The following BPTF variants were observed in gnomAD, a reference collection of about 807,000 sequenced individuals.
BPTF encodes the protein nucleosome-remodeling factor subunit BPTF.
BPTF carries 18 observed loss-of-function variants against 292.5 expected under a neutral mutation model. That is an observed-to-expected ratio of 0.06 (90% confidence interval 0.04 to 0.09). The LOEUF (loss-of-function observed/expected upper bound fraction) is 0.09. BPTF is among the 10% of genes least tolerant of loss of function. The probability of loss-of-function intolerance (pLI) is 1.00; values close to 1 mark genes in which losing one functional copy is unlikely to be tolerated. For synonymous variants in BPTF, 1,225 were observed against 1,251.9 expected, an observed-to-expected ratio of 0.98 and a Z score of 0.45; for missense variants, 2,726 against 3,498.7, an observed-to-expected ratio of 0.78 and a Z score of 5.57.
At chr17:67,879,858 A>G (rs1175401249) in intron 4 of BPTF, among the ~76,000 whole-genome samples, 1 of 152,170 alleles carries the variant, frequency 6.6e-6, no homozygotes, top group Non-Finnish European at 1.5e-5. Flanking sequence ...ACCCAACCCG[A>G]GAGCATTAAT....
intron 21 of BPTF, among the ~76,000 whole-genome samples, chr17:67,947,311 G>A (rs1359288332): frequency 6.6e-6 from 1 of 152,196 alleles, no homozygotes; most frequent in Non-Finnish European, 1.5e-5. Context: ...TTGTATAGGG[G>A]AGACGAGGGA....
chr17:67,926,804 C>CAT (rs761962881), intron 15 of BPTF, among the ~76,000 whole-genome samples: 177 of 151,946 alleles, frequency 1.2e-3, no homozygotes, highest in Admixed American at 4.5e-3. Flanking sequence ...GTGGTGAGAT[C>CAT]ATAGCTCATT....
chr17:67,910,112 G>A (rs921616473), intron 10 of BPTF, among the ~76,000 whole-genome samples: 11 of 152,178 alleles, frequency 7.2e-5, no homozygotes, highest in Non-Finnish European at 1.5e-4. Context: ...CATAGAAATG[G>A]AATCAGACAA....
chr17:67,881,858 G>GTTTTTT (rs71354089), intron 4 of BPTF, among the ~76,000 whole-genome samples: 1 of 30,014 alleles, frequency 3.3e-5, no homozygotes, highest in Non-Finnish European at 8.0e-5. Flanking sequence ...TTGGGTTTTT[G>GTTTTTT]TTTTTTTTTT....
chr17:67,862,583 T>A (rs573783199), intron 2 of BPTF, among the ~76,000 whole-genome samples: 1 of 152,282 alleles, frequency 6.6e-6, no homozygotes, highest in African/African-American at 2.4e-5. Flanking sequence ...CTTGGGCTGC[T>A]TGACCAAGAG....
chr17:67,858,589 G>A (rs2058868067), intron 2 of BPTF, among the ~76,000 whole-genome samples: 1 of 147,234 alleles, frequency 6.8e-6, no homozygotes, highest in African/African-American at 2.7e-5. Context: ...GTTTACTGCT[G>A]TGTTGTCATT....
intron 3 of BPTF, among the ~76,000 whole-genome samples, chr17:67,869,587 C>G (rs1389986767): frequency 2.6e-5 from 4 of 152,036 alleles, no homozygotes; most frequent in Non-Finnish European, 5.9e-5. Flanking sequence ...AACCAATTAG[C>G]ATAGTAGAAT....
At chr17:67,879,151 TTTC>T (rs1241307307) in intron 4 of BPTF, among the ~76,000 whole-genome samples, 22,822 of 139,126 alleles carry the variant, frequency 0.16, 2,748 homozygotes, top group East Asian at 0.61. Flanking sequence ...TTTTTTTTTT[TTTC>T]TTTTTGAGAT....
intron 3 of BPTF, among the ~76,000 whole-genome samples, chr17:67,871,722 A>G (rs74714051): frequency 0.016 from 2,461 of 152,276 alleles, 64 homozygotes; most frequent in African/African-American, 0.052. Flanking sequence ...TAGAATATGC[A>G]TATTTAGTAT....
At chr17:67,848,926 A>G (rs2058219672) in intron 1 of BPTF, among the ~76,000 whole-genome samples, 1 of 152,088 alleles carries the variant, frequency 6.6e-6, no homozygotes, top group African/African-American at 2.4e-5. Flanking sequence ...TTGTTCTTTG[A>G]TTCTCCATTT....
chr17:67,857,634 T>G (rs1170267723), intron 2 of BPTF, among the ~76,000 whole-genome samples: 2 of 151,096 alleles, frequency 1.3e-5, no homozygotes, highest in Non-Finnish European at 3.0e-5. Context: ...GCCCGGCTAA[T>G]TTTTGCATTT....
In BPTF at chr17:67,948,273, A is replaced by G. The variant is rs376288660; in HGVS notation, c.7893A>G (p.Ala2631=). ...GAGCCGAGATCCTGAAGAAGAGAGCACTCCTGGACAAGGATCTGCAAATTG... is the reference window on the plus strand; with the variant it reads ...GAGCCGAGATCCTGAAGAAGAGAGCGCTCCTGGACAAGGATCTGCAAATTG... ...QLRAEILKKR[A]LLDKDLQIEV... The change falls in exon 23 of 28, where the codon GCA becomes GCG. Residue 2631 remains alanine (A), a synonymous_variant. Coordinates refer to ENST00000306378, the MANE Select transcript of BPTF (RefSeq NM_182641.4). The G allele has an allele frequency of 6.8e-5, 109 of 1,613,746 alleles. No homozygotes were observed. Among genetic ancestry groups the G allele is most frequent in the Non-Finnish European group, 8.2e-5 (97 of 1,179,976 alleles).
chr17:67,982,334 G>A lies in BPTF; in HGVS notation c.*46G>A, dbSNP rs782385753. On this transcript the variant is annotated 3_prime_UTR_variant, in exon 28 of 28. Coordinates refer to ENST00000306378, the MANE Select transcript of BPTF (RefSeq NM_182641.4). ...CATAAAACACAGCAAGAATCTGGTT[G>A]TCTGAACTATTTTAAATTAAGGAGC... is the stretch of plus-strand genomic sequence containing the variant. The A allele has an allele frequency of 2.6e-6, 4 of 1,551,040 alleles. No homozygotes were observed. In the African/African-American group the frequency reaches 5.5e-5, roughly 21 times the overall value.
chr17:67,912,945 A>T lies in BPTF; in HGVS notation c.5061A>T (p.Lys1687Asn). ...TVSKEYSTRDKVKLMKFSRPK... is the reference protein window; with the variant it reads ...TVSKEYSTRDNVKLMKFSRPK... ...GCAAAGAGTATTCCACACGAGACAA[A>T]GTGAAACTGATGAAATTTTCAAGAC... The change falls in exon 11 of 28, where the codon AAA becomes AAT. Residue 1687 changes from lysine (K) to asparagine (N), a missense_variant. Physicochemically the swap from Lys to Asn is moderately conservative, Grantham distance 94. Around this residue, in one of 22 missense-constraint regions of BPTF, gnomAD observed 144 missense variants for 177.2 expected, o/e 0.81. Transcript: ENST00000306378. 6.2e-7 allele frequency: 1 copy of T among 1,614,232 alleles called. No individual in the cohort carries two copies. Among genetic ancestry groups the T allele is most frequent in the Non-Finnish European group, 8.5e-7 (1 of 1,180,042 alleles).
At chr17:67,906,820 T>C (rs1448769797) in intron 9 of BPTF, among the ~76,000 whole-genome samples, 2 of 152,226 alleles carry the variant, frequency 1.3e-5, no homozygotes, top group Admixed American at 6.5e-5. Flanking sequence ...GAAGAAATCA[T>C]TCATTTAAAT....
intron 20 of BPTF, 100 bp downstream of exon 20, chr17:67,944,472 A>G (rs1555673505): frequency 7.4e-7 from 1 of 1,351,378 alleles, no homozygotes; most frequent in Non-Finnish European, 1.0e-6. Flanking sequence ...TTGGAAGGAT[A>G]TGCCTCAAGC....
rs1297574724 is a variant in BPTF at position 67,826,105 on chromosome 17, T to C, written c.381T>C (p.Asp127=). The stretch of plus-strand genomic sequence containing the variant: ...GGGCCGTCAACAAAGTGGTGTACGA[T>C]GACCACGAGAGCGAGGAGGAGGAGG... ...ARRAVNKVVY[D]DHESEEEEEE... is the part of the protein sequence containing the mutation. The change falls in exon 1 of 28, where the codon GAT becomes GAC. Residue 127 remains aspartate, a synonymous_variant. Transcript: ENST00000306378. 2.1e-6 allele frequency: 3 copies of C among 1,396,710 alleles called. No homozygotes were observed. In the East Asian group the frequency reaches 7.2e-5, roughly 34 times the overall value. 86.5% of individuals were successfully genotyped at this position (1,396,710 alleles called of 1,614,324 possible).
chr17:67,912,702 A>T lies in BPTF; in HGVS notation c.4818A>T (p.Glu1606Asp), dbSNP rs763546243. The T allele has an allele frequency of 1.3e-5, 21 of 1,613,958 alleles. No individual in the cohort carries two copies. The African/African-American group carries it at 2.3e-4, about 17-fold the overall frequency. ...AATCAAAAACTGTGATCAAGGTAGA[A>T]AAAGGCGATAAGCAAACTGTGGTTT... ...ATESKTVIKV[E>D]KGDKQTVVSS... Residue 1606 changes from glutamate (E) to aspartate (D), a missense_variant, in exon 11 of 28, where the codon GAA (glutamate) becomes GAT (aspartate). Around this residue, in one of 22 missense-constraint regions of BPTF, gnomAD observed 144 missense variants for 177.2 expected, o/e 0.81. Transcript: ENST00000306378.
In BPTF at chr17:67,826,147, C is replaced by A; in HGVS notation, c.423C>A (p.Val141=). The change falls in exon 1 of 28, where the codon GTC becomes GTA. Residue 141 remains valine (V), a synonymous_variant. Coordinates refer to ENST00000306378, the MANE Select transcript of BPTF (RefSeq NM_182641.4). ...AGGAGGAGGAAGAGGAGGACATGGT[C>A]TCCGAGGAGGAGGAGGAGGAGGACG... ...SEEEEEEEDM[V]SEEEEEEDGD... 1 of 1,499,280 alleles carries A rather than the reference C, an allele frequency of 6.7e-7. No individual in the cohort carries two copies. The highest frequency in any genetic ancestry group is 9.3e-7 in the Non-Finnish European group (1 of 1,076,904). 92.9% of individuals were successfully genotyped at this position (1,499,280 alleles called of 1,614,324 possible). A position where few individuals can be genotyped will look rare whatever the true frequency, so the allele number is the denominator to read the frequency against.
Sources: gnomAD v4.1 joint callset for allele counts (sites outside exome capture counted in the v4.1 genomes callset) on GRCh38, gnomAD v4.1.1 for gene constraint, gnomAD v4.1.1 regional missense constraint, MANE v1.5 for transcripts, NCBI Gene and HGNC (gene_info 2026-07-23, HGNC 2026-07-21) for gene names.